The following WIF1 variants were observed in gnomAD, a reference collection of about 807,000 sequenced individuals.
WIF1 encodes the protein Wnt inhibitory factor 1.
WIF1 carries 35 observed loss-of-function variants against 53.5 expected under a neutral mutation model. The ratio of observed to expected loss-of-function variants is 0.65; its 90% CI spans 0.50 to 0.87. The LOEUF (loss-of-function observed/expected upper bound fraction) is 0.87. WIF1 is among the 40% of genes least tolerant of loss of function. The pLI, the probability that WIF1 is intolerant of heterozygous loss-of-function variation, is 0.00. For missense variants in WIF1, 467 were observed against 476.8 expected, an observed-to-expected ratio of 0.98 and a Z score of 0.19; for synonymous variants, 171 against 170.4, an observed-to-expected ratio of 1.00 and a Z score of -0.03.
intron 2 of WIF1, among the ~76,000 whole-genome samples, chr12:65,111,957 T>C (rs906917412): frequency 6.6e-6 from 1 of 152,038 alleles, no homozygotes; most frequent in Admixed American, 6.6e-5. Flanking sequence ...ATCACATTCA[T>C]CCAGAAAATC....
chr12:65,090,258 A>G (rs1883103236), intron 2 of WIF1, among the ~76,000 whole-genome samples: 1 of 152,094 alleles, frequency 6.6e-6, no homozygotes, highest in Non-Finnish European at 1.5e-5. Context: ...AATGTGGGTG[A>G]AGTCTGGGCT....
chr12:65,053,266 C>G (rs771694072), intron 9 of WIF1, among the ~76,000 whole-genome samples: 8 of 152,146 alleles, frequency 5.3e-5, no homozygotes, highest in Non-Finnish European at 7.4e-5. Context: ...TTTAATCAAC[C>G]ATCCAGTTAA....
chr12:65,090,959 T>C (rs1414769401), intron 2 of WIF1, among the ~76,000 whole-genome samples: 1 of 151,970 alleles, frequency 6.6e-6, no homozygotes, highest in Non-Finnish European at 1.5e-5. Context: ...CAACAGAGGG[T>C]CTCTGTAATG....
chr12:65,105,226 G>C (rs538931791), intron 2 of WIF1, among the ~76,000 whole-genome samples: 1 of 152,198 alleles, frequency 6.6e-6, no homozygotes, highest in African/African-American at 2.4e-5. Context: ...TGGGGAGTTT[G>C]TTTATGCAGC....
In WIF1 at chr12:65,121,089, T is replaced by C. The variant is rs1565763785; in HGVS notation, c.103A>G (p.Ser35Gly). ...TGAGCATCGATCCATAGGTACAGGC[T>C]CTCCTCCTGCGGCGGCCCGGCCTCC... ...RAEAGPPQEE[S>G]LYLWIDAHQA... The change falls in exon 1 of 10, where the codon AGC (serine) becomes GGC (glycine). Residue 35 changes from serine to glycine, a missense_variant. Transcript: ENST00000286574. 6.5e-7 allele frequency: 1 copy of C among 1,545,690 alleles called. No homozygotes were observed. Among genetic ancestry groups the C allele is most frequent in the Non-Finnish European group, 8.7e-7 (1 of 1,144,118 alleles).
chr12:65,116,239 C>T (rs1334856058), intron 2 of WIF1, among the ~76,000 whole-genome samples: 1 of 152,136 alleles, frequency 6.6e-6, no homozygotes, highest in Non-Finnish European at 1.5e-5. Flanking sequence ...AGTACTGGTC[C>T]ATGGCCTGTT....
At chr12:65,120,772 A>G in intron 1 of WIF1, 1 of 785,028 alleles carries the variant, frequency 1.3e-6, no homozygotes, top group Non-Finnish European at 1.9e-6. Context: ...AGGGATGGAC[A>G]TGGAGTTAAC....
At chr12:65,095,533 A>G (rs1883190469) in intron 2 of WIF1, among the ~76,000 whole-genome samples, 1 of 152,192 alleles carries the variant, frequency 6.6e-6, no homozygotes, top group Admixed American at 6.6e-5. Context: ...TCTATTTTCA[A>G]TAGTCCGTTT....
At chr12:65,061,821 C>G (rs949967182) in intron 7 of WIF1, among the ~76,000 whole-genome samples, 1 of 152,106 alleles carries the variant, frequency 6.6e-6, no homozygotes, top group Admixed American at 6.5e-5. Context: ...CATAAAGTTC[C>G]TTTTGCTCCA....
At chr12:65,089,400 T>C (rs1199635740) in intron 2 of WIF1, among the ~76,000 whole-genome samples, 1 of 152,164 alleles carries the variant, frequency 6.6e-6, no homozygotes. Flanking sequence ...GCTCCTAACC[T>C]ACCTCCCTGG....
In WIF1 at chr12:65,055,186, T is replaced by C. The variant is rs1457731145; in HGVS notation, c.950A>G (p.His317Arg). 2 of 1,614,064 alleles carry C rather than the reference T, an allele frequency of 1.2e-6. No homozygotes were observed. The highest frequency in any genetic ancestry group is 1.7e-6 in the Non-Finnish European group (2 of 1,180,016). The change falls in exon 9 of 10, where the codon CAT becomes CGT. Residue 317 changes from histidine to arginine, a missense_variant. His to Arg is a conservative substitution (Grantham distance 29). Transcript: ENST00000286574. ...KPVCEPGCGA[H>R]GTCHEPNKCQ... Reference sequence around the variant, plus strand: ...TTTGTTGGGTTCATGGCAGGTTCCATGTGCACCACAGCCAGGCTCGCAGAC... The same window carrying C: ...TTTGTTGGGTTCATGGCAGGTTCCACGTGCACCACAGCCAGGCTCGCAGAC...
At chr12:65,076,014 G>A (rs1882854971) in intron 3 of WIF1, among the ~76,000 whole-genome samples, 1 of 151,908 alleles carries the variant, frequency 6.6e-6, no homozygotes, top group African/African-American at 2.4e-5. Context: ...TGTGACAAAT[G>A]ACTTTTTACT....
At chr12:65,071,189 G>A (rs1271594259) in intron 3 of WIF1, among the ~76,000 whole-genome samples, 5 of 128,862 alleles carry the variant, frequency 3.9e-5, no homozygotes, top group African/African-American at 1.5e-4. Context: ...AGCCAAGATA[G>A]AGCCACTGCA....
At chr12:65,078,233 C>G (rs1253693275) in intron 2 of WIF1, among the ~76,000 whole-genome samples, 5 of 152,078 alleles carry the variant, frequency 3.3e-5, no homozygotes, top group Non-Finnish European at 7.4e-5. Flanking sequence ...CATGTACCAC[C>G]ACGCCCTGCT....
chr12:65,086,879 C>T (rs1327230511), intron 2 of WIF1, among the ~76,000 whole-genome samples: 3 of 151,988 alleles, frequency 2.0e-5, no homozygotes, highest in Non-Finnish European at 4.4e-5. Flanking sequence ...CATGGTGGCT[C>T]ACACCTGTAA....
At chr12:65,119,209 G>T (rs1350237620) in intron 2 of WIF1, among the ~76,000 whole-genome samples, 3 of 152,184 alleles carry the variant, frequency 2.0e-5, no homozygotes, top group Non-Finnish European at 4.4e-5. Context: ...GGGACTTGTA[G>T]GGAGAAAAGG....
At chr12:65,088,518 T>C (rs1883076075) in intron 2 of WIF1, among the ~76,000 whole-genome samples, 1 of 152,098 alleles carries the variant, frequency 6.6e-6, no homozygotes, top group Non-Finnish European at 1.5e-5. Context: ...ATGGCCTCAG[T>C]TTTCTTGCCC....
intron 6 of WIF1, 73 bp from the exon 7 acceptor site, chr12:65,062,649 G>A (rs1189660313): frequency 7.2e-6 from 10 of 1,389,504 alleles, no homozygotes; most frequent in South Asian, 1.3e-5. Context: ...CTTAAAGTGA[G>A]GTGCTATTTT....
chr12:65,065,576 AAACAAC>A (rs960372980), intron 6 of WIF1, among the ~76,000 whole-genome samples: 1 of 152,132 alleles, frequency 6.6e-6, no homozygotes, highest in Non-Finnish European at 1.5e-5. Context: ...TTCCTTTAAA[AAACAAC>A]AACAACAACA....
Sources: allele counts gnomAD v4.1 joint callset (sites outside exome capture counted in the v4.1 genomes callset), GRCh38; gene constraint gnomAD v4.1.1; transcripts MANE v1.5; gene names NCBI Gene and HGNC (gene_info 2026-07-23, HGNC 2026-07-21).